The following GNAQ variants were observed in gnomAD, a reference collection of about 807,000 sequenced individuals.
The protein encoded by GNAQ is guanine nucleotide-binding protein G(q) subunit alpha.
Under a neutral mutation model 43.9 loss-of-function variants are expected in GNAQ, and 8 were observed. The ratio of observed to expected loss-of-function variants is 0.18; its 90% CI spans 0.11 to 0.33. The LOEUF is 0.33. GNAQ is among the 10% of genes least tolerant of loss of function. GNAQ has a pLI of 1.00. For synonymous variants in GNAQ, 155 were observed against 170.7 expected (o/e 0.91, Z 0.71); for missense variants, 158 against 450.8 (o/e 0.35, Z 5.88).
At chr9:77,990,517 C>T (rs1823495255) in intron 1 of GNAQ, among the ~76,000 whole-genome samples, 1 of 152,240 alleles carries the variant, frequency 6.6e-6, no homozygotes, top group Admixed American at 6.5e-5. Context: ...GCCACAACAT[C>T]CAACCTCTTT....
intron 6 of GNAQ, among the ~76,000 whole-genome samples, chr9:77,723,163 T>C (rs1257804501): frequency 6.6e-6 from 1 of 152,208 alleles, no homozygotes; most frequent in Non-Finnish European, 1.5e-5. Flanking sequence ...TGCTCAATAA[T>C]GGTAATCATT....
chr9:77,853,788 A>AC (rs1257136437), intron 2 of GNAQ, among the ~76,000 whole-genome samples: 1 of 150,678 alleles, frequency 6.6e-6, no homozygotes, highest in Non-Finnish European at 1.5e-5. Flanking sequence ...AAAAAAAAAA[A>AC]AAAAAAAAAA....
chr9:77,741,122 A>G (rs1456465543), intron 5 of GNAQ, among the ~76,000 whole-genome samples: 1 of 152,252 alleles, frequency 6.6e-6, no homozygotes, highest in African/African-American at 2.4e-5. Context: ...TAAGTGTACA[A>G]TAACAGACAG....
chr9:77,869,507 A>C (rs2118021263), intron 2 of GNAQ, among the ~76,000 whole-genome samples: 1 of 152,340 alleles, frequency 6.6e-6, no homozygotes, highest in South Asian at 2.1e-4. Context: ...TAATTTAGTT[A>C]CCAGAATTGG....
chr9:77,808,572 CT>C (rs989362875), intron 3 of GNAQ, among the ~76,000 whole-genome samples: 1 of 151,984 alleles, frequency 6.6e-6, no homozygotes, highest in Non-Finnish European at 1.5e-5. Context: ...AATAATTTCT[CT>C]GTTCATTACA....
intron 2 of GNAQ, among the ~76,000 whole-genome samples, chr9:77,869,092 C>A (rs1219999388): frequency 6.6e-6 from 1 of 152,234 alleles, no homozygotes; most frequent in Non-Finnish European, 1.5e-5. Flanking sequence ...TTTCAACTGT[C>A]GCTCCACTGT....
intron 1 of GNAQ, among the ~76,000 whole-genome samples, chr9:77,941,943 CACACAG>C (rs1329627457): frequency 6.7e-6 from 1 of 150,022 alleles, no homozygotes; most frequent in Non-Finnish European, 1.5e-5. Context: ...CACACACACA[CACACAG>C]AGTATTATAT....
At chr9:77,790,731 A>G (rs79444763) in intron 5 of GNAQ, among the ~76,000 whole-genome samples, 1,839 of 152,266 alleles carry the variant, frequency 0.012, 38 homozygotes, top group African/African-American at 0.041. Context: ...AGAAGACACT[A>G]TGAGGGAAGG....
chr9:78,006,609 A>T (rs959159858), intron 1 of GNAQ, among the ~76,000 whole-genome samples: 7 of 152,136 alleles, frequency 4.6e-5, no homozygotes, highest in Non-Finnish European at 1.0e-4. Flanking sequence ...CCTTCATTTG[A>T]TCATGCTTTC....
chr9:78,028,039 A>T (rs1392323588), intron 1 of GNAQ, among the ~76,000 whole-genome samples: 2 of 152,210 alleles, frequency 1.3e-5, no homozygotes, highest in Non-Finnish European at 2.9e-5. Flanking sequence ...TACCACCAAC[A>T]GAAATATTTA....
chr9:77,987,588 G>A (rs182055972), intron 1 of GNAQ, among the ~76,000 whole-genome samples: 123 of 152,214 alleles, frequency 8.1e-4, no homozygotes, highest in African/African-American at 2.9e-3. Flanking sequence ...CTATACATGA[G>A]TCATTCACTC....
intron 5 of GNAQ, 29 bp downstream of exon 5, chr9:77,794,434 A>C: frequency 6.7e-7 from 1 of 1,486,074 alleles, no homozygotes; most frequent in Non-Finnish European, 9.2e-7. Flanking sequence ...ATAAAATGAT[A>C]ATCCATTGCC....
intron 2 of GNAQ, among the ~76,000 whole-genome samples, chr9:77,845,341 T>G (rs971378748): frequency 3.3e-5 from 5 of 152,208 alleles, no homozygotes; most frequent in Non-Finnish European, 1.5e-5. Context: ...AAACTCTTGG[T>G]GGTGAATTGC....
At chr9:77,987,434 C>A (rs1823455023) in intron 1 of GNAQ, among the ~76,000 whole-genome samples, 1 of 152,180 alleles carries the variant, frequency 6.6e-6, no homozygotes, top group Non-Finnish European at 1.5e-5. Context: ...ACCAGACACT[C>A]TGATTCACTC....
chr9:77,895,197 C>CAAA (rs35874480), intron 2 of GNAQ, among the ~76,000 whole-genome samples: 5 of 115,574 alleles, frequency 4.3e-5, no homozygotes, highest in African/African-American at 1.7e-4. Context: ...GACTCCATCT[C>CAAA]AAAAAAAAAA....
At chr9:77,977,979 C>T (rs547781282) in intron 1 of GNAQ, among the ~76,000 whole-genome samples, 3 of 152,226 alleles carry the variant, frequency 2.0e-5, no homozygotes, top group East Asian at 1.9e-4. Context: ...TCATAGTATG[C>T]GTGGAAAATT....
intron 2 of GNAQ, among the ~76,000 whole-genome samples, chr9:77,901,163 G>A (rs180805106): frequency 6.6e-6 from 1 of 152,202 alleles, no homozygotes; most frequent in Admixed American, 6.5e-5. Flanking sequence ...TGTAGTACCC[G>A]ATAGTAGTAC....
At chr9:77,835,809 A>G (rs935502087) in intron 2 of GNAQ, among the ~76,000 whole-genome samples, 1 of 152,204 alleles carries the variant, frequency 6.6e-6, no homozygotes, top group African/African-American at 2.4e-5. Flanking sequence ...ATCTCATAAC[A>G]ATACAACAAT....
chr9:77,771,206 C>T (rs2118371598), intron 5 of GNAQ, among the ~76,000 whole-genome samples: 1 of 152,080 alleles, frequency 6.6e-6, no homozygotes, highest in East Asian at 1.9e-4. Flanking sequence ...AGTAAGTTGA[C>T]AGTCTATTTA....
Sources: allele counts gnomAD v4.1 joint callset (sites outside exome capture counted in the v4.1 genomes callset), GRCh38; gene constraint gnomAD v4.1.1; transcripts MANE v1.5; gene names NCBI Gene and HGNC (gene_info 2026-07-23, HGNC 2026-07-21).